TGFBI: variants seen among roughly 807,000 people sequenced by gnomAD.
The protein encoded by TGFBI is transforming growth factor-beta-induced protein ig-h3.
In TGFBI, 50 loss-of-function variants were observed where a neutral mutation model predicts 73.7. The observed-to-expected ratio is 0.68, with a 90% CI of 0.54 to 0.86. The LOEUF (loss-of-function observed/expected upper bound fraction) is 0.86. TGFBI is among the 40% of genes least tolerant of loss of function. The probability of loss-of-function intolerance (pLI) is 0.00; values close to 1 mark genes in which losing one functional copy is unlikely to be tolerated. For missense variants in TGFBI, 839 were observed against 877.0 expected (o/e 0.96, Z 0.55); for synonymous variants, 362 against 360.5 (o/e 1.00, Z -0.05).
chr5:136,043,146 T>A (rs1751368712), intron 2 of TGFBI, among the ~76,000 whole-genome samples: 1 of 152,242 alleles, frequency 6.6e-6, no homozygotes, highest in African/African-American at 2.4e-5. Flanking sequence ...GAGGTCGTGC[T>A]CACTCCACCG....
chr5:136,049,243 G>A (rs1003833431), intron 6 of TGFBI, 196 bp from the exon 7 acceptor site: 5 of 590,474 alleles, frequency 8.5e-6, no homozygotes, highest in East Asian at 2.9e-5. Context: ...AGATGGCCAG[G>A]CTGGCTGGAG....
intron 7 of TGFBI, among the ~76,000 whole-genome samples, chr5:136,050,590 C>T (rs181410631): frequency 1.3e-5 from 2 of 152,310 alleles, no homozygotes; most frequent in African/African-American, 4.8e-5. Flanking sequence ...TGCCTGAGTC[C>T]CCTGAAATGC....
chr5:136,033,818 A>G lies in TGFBI; in HGVS notation c.190A>G (p.Asn64Asp). 1.2e-6 allele frequency: 2 copies of G among 1,613,976 alleles called. No homozygotes were observed. Among genetic ancestry groups the G allele is most frequent in the Non-Finnish European group, 1.7e-6 (2 of 1,179,878 alleles). ...VIGTNRKYFT[N>D]CKQWYQRKIC... ...TGGCACTAATAGGAAGTACTTCACC[A>G]ACTGCAAGCAGTGGTACCAAAGGAA... The change falls in exon 2 of 17, where the codon AAC becomes GAC. Residue 64 changes from asparagine to aspartate, a missense_variant. By Grantham distance (23) the Asn-to-Asp change is conservative. Transcript: ENST00000442011.
rs1751565590 is a variant in TGFBI, at chr5:136,053,081, T to G, written c.1088T>G (p.Val363Gly). Residue 363 changes from valine to glycine, a missense_variant, in exon 8 of 17, where the codon GTG becomes GGG. Transcript: ENST00000442011. Reference sequence around the variant, plus strand: ...AAAGACATCCTAGCCACCAACGGGGTGATCCACTACATTGATGAGCTACTC... The same window carrying G: ...AAAGACATCCTAGCCACCAACGGGGGGATCCACTACATTGATGAGCTACTC... The part of the protein sequence containing the change: ...SNKDILATNG[V>G]IHYIDELLIP... The G allele has an allele frequency of 5.6e-6, 9 of 1,614,014 alleles. No individual in the cohort carries two copies. The highest frequency in any genetic ancestry group is 7.6e-6 in the Non-Finnish European group (9 of 1,179,892).
intron 7 of TGFBI, among the ~76,000 whole-genome samples, chr5:136,051,942 A>G (rs1432688297): frequency 3.3e-5 from 5 of 152,168 alleles, no homozygotes. Flanking sequence ...CCTCCTGCCT[A>G]TGACAGTGTG....
At position 136,061,505 on chromosome 5, in the gene TGFBI, A is replaced by G. The variant is rs755101277; in HGVS notation, c.1912A>G (p.Arg638Gly). Residue 638 changes from arginine (R) to glycine (G), a missense_variant, in exon 15 of 17, where the codon AGA becomes GGA. Physicochemically the swap from Arg to Gly is moderately radical, Grantham distance 125 (BLOSUM62 -2). Transcript: ENST00000442011. ...ITNVLQPPANRPQERGDELAD... is the reference protein window; with the variant it reads ...ITNVLQPPANGPQERGDELAD... ...GCCTTTTCTTTCCTCTTCAGCCAACAGACCTCAGGAAAGAGGGGATGAACT... is the reference window on the plus strand; with the variant it reads ...GCCTTTTCTTTCCTCTTCAGCCAACGGACCTCAGGAAAGAGGGGATGAACT... 4 of 1,605,314 alleles carry G rather than the reference A, an allele frequency of 2.5e-6. No individual in the cohort carries two copies. The South Asian group carries it at 4.5e-5, about 18-fold the overall frequency.
chr5:136,062,326 C>G (rs1037998420), intron 15 of TGFBI, among the ~76,000 whole-genome samples: 4 of 152,076 alleles, frequency 2.6e-5, no homozygotes, highest in African/African-American at 9.7e-5. Flanking sequence ...CCTTAGTGCC[C>G]TCGAGAAGGA....
intron 1 of TGFBI, among the ~76,000 whole-genome samples, chr5:136,031,720 G>C (rs1302827612): frequency 6.6e-6 from 1 of 152,212 alleles, no homozygotes; most frequent in Admixed American, 6.5e-5. Context: ...ATTTCCTGAA[G>C]CACTTGGTTT....
Position 136,029,144 on chromosome 5 carries a change from A to G in TGFBI, c.89A>G (p.Tyr30Cys). 1 of 1,524,140 alleles carries G rather than the reference A, an allele frequency of 6.6e-7. No homozygotes were observed. The highest frequency in any genetic ancestry group is 8.8e-7 in the Non-Finnish European group (1 of 1,142,630). 94.4% of individuals were successfully genotyped at this position (1,524,140 alleles called of 1,614,324 possible). The stretch of plus-strand genomic sequence containing the variant: ...CTGGCGGGTCCCGCCAAGTCGCCCT[A>G]CCAGCTGGTGCTGCAGCACAGCAGG... ...ATLAGPAKSP[Y>C]QLVLQHSRLR... The change falls in exon 1 of 17, where the codon TAC becomes TGC. Residue 30 changes from tyrosine (Y) to cysteine (C), a missense_variant. Coordinates refer to ENST00000442011, the MANE Select transcript of TGFBI (RefSeq NM_000358.3).
intron 4 of TGFBI, 79 bp downstream of exon 4, chr5:136,046,574 GAGTCTGC>G (rs1751432070): frequency 6.9e-7 from 1 of 1,456,224 alleles, no homozygotes; most frequent in Admixed American, 2.3e-5. Flanking sequence ...TGATGAATGG[GAGTCTGC>G]AGTCATTTCC....
chr5:136,038,373 G>A (rs1203710229), intron 2 of TGFBI, among the ~76,000 whole-genome samples: 3 of 152,188 alleles, frequency 2.0e-5, no homozygotes, highest in African/African-American at 7.2e-5. Context: ...AAGAGGGAGA[G>A]ATTATCCAGG....
chr5:136,058,853 A>G (rs556763780), intron 12 of TGFBI: 46 of 435,692 alleles, frequency 1.1e-4, no homozygotes, highest in Non-Finnish European at 1.6e-4. Context: ...CCAGAGGCCA[A>G]CTGACTGCTG....
rs2072240 is a variant in TGFBI at position 136,056,021 on chromosome 5, A to G, written c.1547+205A>G. On this transcript the variant is annotated intron_variant, in intron 11 of 16. Transcript: ENST00000442011. The stretch of plus-strand genomic sequence containing the variant: ...ACATTGGGAAGAAGGGTTACTTCTA[A>G]GAGTGTAATCTTCACATGCATGGGA... Among the ~76,000 whole-genome samples the G allele has an allele frequency of 1.8e-3, 274 of 152,308 alleles. 3 individuals are homozygous for G. The highest frequency in any genetic ancestry group is 0.015 in the East Asian group (79 of 5,188).
chr5:136,031,180 C>T (rs1028613195), intron 1 of TGFBI, among the ~76,000 whole-genome samples: 3 of 152,190 alleles, frequency 2.0e-5, no homozygotes, highest in Non-Finnish European at 4.4e-5. Flanking sequence ...TGCGCAGGCA[C>T]ATGAACCATG....
chr5:136,051,768 C>T (rs899941976), intron 7 of TGFBI, among the ~76,000 whole-genome samples: 2 of 152,204 alleles, frequency 1.3e-5, no homozygotes, highest in African/African-American at 2.4e-5. Flanking sequence ...TCTACCACAT[C>T]GTGGACTTCA....
In TGFBI at chr5:136,046,010, G is replaced by T. The variant is rs1027001687; in HGVS notation, c.299-325G>T. ...ACAGGTAAATCTGTAAGACTAGTTT[G>T]TAATTAGGATATCTGTTTCCAGTGT... On this transcript the variant is annotated intron_variant, in intron 3 of 16. Coordinates refer to ENST00000442011, the MANE Select transcript of TGFBI (RefSeq NM_000358.3). 5.7e-5 allele frequency: 12 copies of T among 211,780 alleles called. No individual in the cohort carries two copies. The Middle Eastern group carries it at 6.2e-3, about 109-fold the overall frequency. The allele number at this position is 211,780 out of a possible 1,614,324, so 13.1% of individuals were successfully genotyped here. A position where few individuals can be genotyped will look rare whatever the true frequency, so the allele number is the denominator to read the frequency against.
rs564386855 is a variant in TGFBI at position 136,039,486 on chromosome 5, G to T, written c.234-4572G>T. Among the ~76,000 whole-genome samples the T allele has an allele frequency of 4.6e-5, 7 of 152,220 alleles. No homozygotes were observed. The South Asian group carries it at 1.2e-3, about 27-fold the overall frequency. On this transcript the variant is annotated intron_variant, in intron 2 of 16. Coordinates refer to ENST00000442011, the MANE Select transcript of TGFBI (RefSeq NM_000358.3). ...CTACAGCCTCAAACCTGTGGCTGTG[G>T]GTCCCAGAGACAAGGCCTCCTCAGC...
At chr5:136,055,163 C>A in intron 10 of TGFBI, 1 of 351,014 alleles carries the variant, frequency 2.8e-6, no homozygotes, top group Non-Finnish European at 5.2e-6. Context: ...CAGACTCTTT[C>A]TGAGCTTATG....
intron 6 of TGFBI, chr5:136,047,821 C>T (rs1355578915): frequency 5.8e-6 from 1 of 172,098 alleles, no homozygotes; most frequent in African/African-American, 2.4e-5. Flanking sequence ...CTGGTTCCAA[C>T]CATACGCATG....
Sources: gnomAD v4.1 joint callset for allele counts (sites outside exome capture counted in the v4.1 genomes callset) on GRCh38, gnomAD v4.1.1 for gene constraint, MANE v1.5 for transcripts, NCBI Gene and HGNC (gene_info 2026-07-23, HGNC 2026-07-21) for gene names.